GRIK1: variants seen among roughly 807,000 people sequenced by gnomAD.
GRIK1 encodes the protein glutamate ionotropic receptor kainate type subunit 1.
In GRIK1, 69 loss-of-function variants were observed where a neutral mutation model predicts 105.7. That is an observed-to-expected ratio of 0.65 (90% CI 0.54 to 0.80). The LOEUF (loss-of-function observed/expected upper bound fraction) is 0.80. Among genes scored for constraint, GRIK1 ranks in the 30% least tolerant of loss-of-function variants. The pLI is 0.00. For synonymous variants in GRIK1, 438 were observed against 431.3 expected (o/e 1.02, Z -0.19); for missense variants, 1,109 against 1,167.3 (o/e 0.95, Z 0.73).
At chr21:29,748,681 G>A (rs1008155721) in intron 1 of GRIK1, among the ~76,000 whole-genome samples, 2 of 152,160 alleles carry the variant, frequency 1.3e-5, no homozygotes, top group African/African-American at 2.4e-5. Context: ...TGTGTGTTCT[G>A]GGCCTACCAA....
chr21:29,925,929 A>T (rs1183625243), intron 1 of GRIK1, among the ~76,000 whole-genome samples: 1 of 152,242 alleles, frequency 6.6e-6, no homozygotes, highest in South Asian at 2.1e-4. Flanking sequence ...AAATTAGGAT[A>T]ATACAAATTG....
At chr21:29,850,269 A>G (rs899276733) in intron 1 of GRIK1, among the ~76,000 whole-genome samples, 1 of 152,160 alleles carries the variant, frequency 6.6e-6, no homozygotes, top group Admixed American at 6.5e-5. Context: ...CATTTCTTAA[A>G]TCTCACAGAT....
intron 1 of GRIK1, among the ~76,000 whole-genome samples, chr21:29,844,763 C>T (rs1295520505): frequency 6.6e-6 from 1 of 152,166 alleles, no homozygotes; most frequent in African/African-American, 2.4e-5. Context: ...ATTTTTACAT[C>T]ATTTAAGTTT....
At chr21:29,629,211 T>TGG (rs2062202672) in intron 7 of GRIK1, among the ~76,000 whole-genome samples, 1 of 145,144 alleles carries the variant, frequency 6.9e-6, no homozygotes, top group African/African-American at 2.8e-5. Flanking sequence ...TGTGTGTGTG[T>TGG]GTGTGTGTGT....
intron 1 of GRIK1, among the ~76,000 whole-genome samples, chr21:29,791,829 CA>C (rs1186481209): frequency 5.9e-5 from 9 of 152,094 alleles, no homozygotes; most frequent in African/African-American, 2.2e-4. Context: ...ATATTTTAAG[CA>C]GAAAACTCTT....
At chr21:29,540,300 G>A (rs2089948433) in intron 16 of GRIK1, among the ~76,000 whole-genome samples, 1 of 152,146 alleles carries the variant, frequency 6.6e-6, no homozygotes. Context: ...TGCTGCTTGT[G>A]TGAGAGCAAA....
At chr21:29,693,139 C>A (rs1293458101) in intron 2 of GRIK1, among the ~76,000 whole-genome samples, 2 of 152,164 alleles carry the variant, frequency 1.3e-5, no homozygotes, top group African/African-American at 2.4e-5. Context: ...TGATGAGTAG[C>A]CTTTGTTTCC....
chr21:29,567,900 A>G (rs1485399181), intron 14 of GRIK1, among the ~76,000 whole-genome samples: 1 of 152,234 alleles, frequency 6.6e-6, no homozygotes, highest in Admixed American at 6.5e-5. Context: ...TTTATAGTAT[A>G]GTTAGGACCT....
intron 10 of GRIK1, among the ~76,000 whole-genome samples, chr21:29,589,601 T>C (rs1037582400): frequency 4.6e-5 from 7 of 151,774 alleles, no homozygotes; most frequent in Non-Finnish European, 8.8e-5. Context: ...TTTTGTATTT[T>C]TTTTTAGTAG....
intron 1 of GRIK1, among the ~76,000 whole-genome samples, chr21:29,799,562 C>T (rs2066647992): frequency 6.6e-6 from 1 of 152,182 alleles, no homozygotes; most frequent in Non-Finnish European, 1.5e-5. Flanking sequence ...TGGAGTCTCA[C>T]TCTGTCGCCC....
intron 6 of GRIK1, among the ~76,000 whole-genome samples, chr21:29,647,272 G>T (rs2062639916): frequency 6.6e-6 from 1 of 152,216 alleles, no homozygotes; most frequent in African/African-American, 2.4e-5. Context: ...AGGTGTTATT[G>T]TACAGATTTA....
chr21:29,733,790 C>T (rs2064699908), intron 1 of GRIK1, among the ~76,000 whole-genome samples: 1 of 152,022 alleles, frequency 6.6e-6, no homozygotes, highest in African/African-American at 2.4e-5. Flanking sequence ...CCATGATTGC[C>T]AGTTACCATT....
At chr21:29,807,188 T>C (rs1180777229) in intron 1 of GRIK1, among the ~76,000 whole-genome samples, 1 of 152,180 alleles carries the variant, frequency 6.6e-6, no homozygotes, top group African/African-American at 2.4e-5. Flanking sequence ...AAAGCTATTG[T>C]TCATGACCTG....
At chr21:29,823,583 A>G (rs2067364704) in intron 1 of GRIK1, among the ~76,000 whole-genome samples, 1 of 151,940 alleles carries the variant, frequency 6.6e-6, no homozygotes. Flanking sequence ...TTTTTTGATC[A>G]TAAGTGGAGG....
In GRIK1 at chr21:29,632,235, T is replaced by G. The variant is rs553612118; in HGVS notation, c.1098+10591A>C. Among the ~76,000 whole-genome samples the G allele has an allele frequency of 7.2e-3, 1,099 of 152,292 alleles. 7 individuals carry two copies. Among genetic ancestry groups the G allele is most frequent in the Non-Finnish European group, 0.012 (791 of 68,032 alleles). ...ATGCCCTTCCCTCTTCTGAGCTTTG[T>G]TTTTTCAATGATCCTTGTCTGATTT... is the stretch of plus-strand genomic sequence containing the variant. On this transcript the variant is annotated intron_variant, in intron 7 of 17. Coordinates refer to ENST00000327783, the MANE Select transcript of GRIK1 (RefSeq NM_001330994.2).
chr21:29,610,011 G>A (rs1157280957), intron 7 of GRIK1, among the ~76,000 whole-genome samples: 1 of 152,086 alleles, frequency 6.6e-6, no homozygotes, highest in East Asian at 1.9e-4. Flanking sequence ...AAAAAGTGCT[G>A]TACTTCAAAT....
In GRIK1 at chr21:29,537,103, T is replaced by C. The variant is rs536288692; in HGVS notation, c.*127A>G. 165 of 505,674 alleles carry C rather than the reference T, an allele frequency of 3.3e-4. No individual in the cohort carries two copies. Among genetic ancestry groups the C allele is most frequent in the African/African-American group, 1.7e-3 (83 of 50,272 alleles). 31.3% of individuals were successfully genotyped at this position (505,674 alleles called of 1,614,324 possible). On this transcript the variant is annotated 3_prime_UTR_variant, in exon 18 of 18. Transcript: ENST00000327783. Reference sequence around the variant, plus strand: ...GCTTTTTAAACTTTTGTATTTCTTATATCTGTATTCATAATCAGAGTTATG... The same window carrying C: ...GCTTTTTAAACTTTTGTATTTCTTACATCTGTATTCATAATCAGAGTTATG...
intron 1 of GRIK1, among the ~76,000 whole-genome samples, chr21:29,893,556 A>G (rs1417522855): frequency 6.6e-6 from 1 of 152,156 alleles, no homozygotes; most frequent in Non-Finnish European, 1.5e-5. Flanking sequence ...TAAATGAGAA[A>G]ATATATTTGT....
chr21:29,939,361 A>G lies in GRIK1; in HGVS notation c.118+22T>C, dbSNP rs771032917. ...CGGCGACCGACCACGTCTCCCGAGC[A>G]GGCAGCCTGGGGCTCACTCACCGAT... is the stretch of plus-strand genomic sequence containing the variant. On this transcript the variant is annotated intron_variant, in intron 1 of 17. Coordinates refer to ENST00000327783, the MANE Select transcript of GRIK1 (RefSeq NM_001330994.2). 3.7e-6 allele frequency: 5 copies of G among 1,334,938 alleles called. No individual in the cohort carries two copies. In the East Asian group the frequency reaches 1.3e-4, roughly 34 times the overall value. 82.7% of individuals were successfully genotyped at this position (1,334,938 alleles called of 1,614,324 possible).
Sources: allele counts gnomAD v4.1 joint callset (sites outside exome capture counted in the v4.1 genomes callset), GRCh38; gene constraint gnomAD v4.1.1; transcripts MANE v1.5; gene names NCBI Gene and HGNC (gene_info 2026-07-23, HGNC 2026-07-21).